CENPP: variants seen among roughly 807,000 people sequenced by gnomAD.
The protein encoded by CENPP is centromere protein P.
CENPP carries 24 observed loss-of-function variants against 35.6 expected under a neutral mutation model. That is an observed-to-expected ratio of 0.67 (90% CI 0.49 to 0.95). The LOEUF (loss-of-function observed/expected upper bound fraction) is 0.95. Ranked by LOEUF, CENPP falls within the 40% of genes least tolerant of loss-of-function variation. The pLI, the probability that CENPP is intolerant of heterozygous loss-of-function variation, is 0.00. For synonymous variants in CENPP, 120 were observed against 125.5 expected, an observed-to-expected ratio of 0.96 and a Z score of 0.29; for missense variants, 332 against 345.3, an observed-to-expected ratio of 0.96 and a Z score of 0.31.
chr9:92,466,679 G>A, intron 5 of CENPP: 1 of 981,364 alleles, frequency 1.0e-6, no homozygotes, highest in Non-Finnish European at 1.5e-6. Flanking sequence ...TATCAGTGGT[G>A]TACTAGATCA....
chr9:92,387,053 GAAA>G (rs903436031), intron 5 of CENPP, among the ~76,000 whole-genome samples: 5 of 50,166 alleles, frequency 1.0e-4, no homozygotes, highest in South Asian at 6.9e-4. Context: ...GTCTCAAAAA[GAAA>G]AAAAAAAAAA....
chr9:92,600,446 A>T, intron 5 of CENPP: 1 of 1,612,798 alleles, frequency 6.2e-7, no homozygotes, highest in Non-Finnish European at 8.5e-7. Flanking sequence ...CAAACAAGAA[A>T]AGTTGGGTCA....
At chr9:92,408,920 A>G (rs1843376330) in intron 5 of CENPP, among the ~76,000 whole-genome samples, 1 of 152,158 alleles carries the variant, frequency 6.6e-6, no homozygotes, top group South Asian at 2.1e-4. Context: ...TCCGTCTTAA[A>G]TCTCATACTT....
Position 92,619,672 on chromosome 9 carries a change from A to T in CENPP, c.*6523A>T. On this transcript the variant is annotated 3_prime_UTR_variant, in exon 8 of 8. Transcript: ENST00000375587. ...TGTGGGAACTGCTTCCTGCCTCAGA[A>T]CCTGAGGGTGGGATTAGGAGCGAGG... The T allele has an allele frequency of 3.9e-6, 4 of 1,018,030 alleles. No individual in the cohort carries two copies. Among genetic ancestry groups the T allele is most frequent in the South Asian group, 1.4e-5 (1 of 72,230 alleles). 63.1% of individuals were successfully genotyped at this position (1,018,030 alleles called of 1,614,324 possible).
chr9:92,330,987 G>A (rs542839271), intron 1 of CENPP, among the ~76,000 whole-genome samples: 5 of 152,000 alleles, frequency 3.3e-5, no homozygotes, highest in Non-Finnish European at 7.4e-5. Flanking sequence ...ACTGCGCCAG[G>A]CCAACTAAAA....
chr9:92,571,239 A>T (rs551804784), intron 5 of CENPP, among the ~76,000 whole-genome samples: 1 of 152,332 alleles, frequency 6.6e-6, no homozygotes. Flanking sequence ...TTCGCTCTAC[A>T]CACTGCTTTA....
At chr9:92,525,818 A>T (rs1848360749) in intron 5 of CENPP, among the ~76,000 whole-genome samples, 1 of 142,150 alleles carries the variant, frequency 7.0e-6, no homozygotes, top group African/African-American at 2.6e-5. Flanking sequence ...TAAACCCGGG[A>T]GGCGGAGGTT....
chr9:92,368,390 A>G (rs184114072), intron 4 of CENPP, among the ~76,000 whole-genome samples: 2 of 152,332 alleles, frequency 1.3e-5, no homozygotes, highest in Admixed American at 6.5e-5. Context: ...TCATTTTTGG[A>G]TAAGGGATAC....
chr9:92,427,859 G>A (rs755298354), intron 5 of CENPP, among the ~76,000 whole-genome samples: 13 of 152,158 alleles, frequency 8.5e-5, no homozygotes, highest in Admixed American at 2.6e-4. Flanking sequence ...TGGTGATGGG[G>A]CAAGCCAAGT....
chr9:92,453,078 G>GT (rs1405763089), intron 5 of CENPP, among the ~76,000 whole-genome samples: 2 of 149,750 alleles, frequency 1.3e-5, no homozygotes, highest in Non-Finnish European at 3.0e-5. Flanking sequence ...TTTTTGAAGG[G>GT]TTTTTTATGT....
rs982230815 is a variant in CENPP at position 92,587,568 on chromosome 9, T to C, written c.565-23746T>C. Among the ~76,000 whole-genome samples the C allele has an allele frequency of 2.0e-4, 31 of 152,244 alleles. No homozygotes were observed. In the East Asian group the frequency reaches 2.5e-3, roughly 12 times the overall value. On this transcript the variant is annotated intron_variant, in intron 5 of 7. Transcript: ENST00000375587. Reference sequence around the variant, plus strand: ...ATGAAATACTGATGAACCTTGAAAATTGTATGCTAAATAAGCCAGACACAA... The same window carrying C: ...ATGAAATACTGATGAACCTTGAAAACTGTATGCTAAATAAGCCAGACACAA...
intron 5 of CENPP, among the ~76,000 whole-genome samples, chr9:92,388,831 C>CAA (rs533649013): frequency 4.8e-5 from 4 of 83,562 alleles, no homozygotes; most frequent in Admixed American, 2.8e-4. Flanking sequence ...GACTCCATCT[C>CAA]AAAAAAAAAA....
intron 3 of CENPP, among the ~76,000 whole-genome samples, chr9:92,343,426 A>G (rs140000299): frequency 1.2e-3 from 180 of 152,348 alleles, no homozygotes; most frequent in African/African-American, 4.0e-3. Flanking sequence ...AATATAGTCA[A>G]TTAGATTGGT....
At chr9:92,327,877 G>A (rs1317054624) in intron 1 of CENPP, among the ~76,000 whole-genome samples, 1 of 152,146 alleles carries the variant, frequency 6.6e-6, no homozygotes, top group African/African-American at 2.4e-5. Context: ...ACCCTTGCCT[G>A]GCATGGCCTT....
chr9:92,569,907 C>T (rs1215496928), intron 5 of CENPP, among the ~76,000 whole-genome samples: 2 of 151,990 alleles, frequency 1.3e-5, no homozygotes, highest in African/African-American at 4.8e-5. Context: ...ATAGGAAGGC[C>T]TGTGATTTTT....
intron 5 of CENPP, chr9:92,509,774 A>T: frequency 1.9e-6 from 2 of 1,051,150 alleles, no homozygotes; most frequent in Non-Finnish European, 2.6e-6. Context: ...TATCAACTCA[A>T]ATGGTTAAGT....
At chr9:92,495,497 TTA>T in intron 5 of CENPP, 2 of 983,312 alleles carry the variant, frequency 2.0e-6, no homozygotes, top group Non-Finnish European at 2.4e-6. Context: ...CTTTACAAGG[TTA>T]TAGTCAAGAA....
At chr9:92,539,679 G>A (rs1364033173) in intron 5 of CENPP, among the ~76,000 whole-genome samples, 1 of 152,110 alleles carries the variant, frequency 6.6e-6, no homozygotes, top group Non-Finnish European at 1.5e-5. Flanking sequence ...GAGTAGTATG[G>A]ACTTTGTTCT....
chr9:92,612,535 C>A lies in CENPP; in HGVS notation c.657C>A (p.Val219=), dbSNP rs970441277. The stretch of plus-strand genomic sequence containing the variant: ...ACTGCTTTTTCAGGTTTGAATTAGT[C>A]ATTGTTTGGAGGATACAAATAGATG... The part of the protein sequence containing the change: ...RSASRPGFEL[V]IVWRIQIDED... The change falls in exon 7 of 8, where the codon GTC becomes GTA. Residue 219 remains valine, a synonymous_variant. Coordinates refer to ENST00000375587, the MANE Select transcript of CENPP (RefSeq NM_001012267.3). The A allele has an allele frequency of 1.9e-6, 3 of 1,613,326 alleles. No homozygotes were observed. The highest frequency in any genetic ancestry group is 2.5e-6 in the Non-Finnish European group (3 of 1,179,310).
Sources: allele counts gnomAD v4.1 joint callset (sites outside exome capture counted in the v4.1 genomes callset), GRCh38; gene constraint gnomAD v4.1.1; transcripts MANE v1.5; gene names NCBI Gene and HGNC (gene_info 2026-07-23, HGNC 2026-07-21).